AIPL1: variants seen among roughly 807,000 people sequenced by gnomAD.
AIPL1 encodes the protein aryl-hydrocarbon-interacting protein-like 1.
A neutral mutation model predicts 32.9 loss-of-function variants in AIPL1; 23 were observed. That is an observed-to-expected ratio of 0.70 (90% CI 0.50 to 0.99). The LOEUF (loss-of-function observed/expected upper bound fraction) is 0.99. Among genes scored for constraint, AIPL1 ranks in the 50% least tolerant of loss-of-function variants. The pLI, the probability that AIPL1 is intolerant of heterozygous loss-of-function variation, is 0.00. For missense variants in AIPL1, 485 were observed against 506.0 expected, an observed-to-expected ratio of 0.96 and a Z score of 0.40; for synonymous variants, 210 against 209.4, an observed-to-expected ratio of 1.00 and a Z score of -0.02.
At chr17:6,426,310 AT>A in intron 5 of AIPL1, 1 of 1,365,394 alleles carries the variant, frequency 7.3e-7, no homozygotes, top group Non-Finnish European at 9.5e-7. Context: ...ACATCATAAT[AT>A]TTTTCCCTAT....
chr17:6,433,099 A>G (rs1912770617), intron 2 of AIPL1, among the ~76,000 whole-genome samples: 1 of 152,162 alleles, frequency 6.6e-6, no homozygotes, highest in Non-Finnish European at 1.5e-5. Flanking sequence ...TGACTTTTGT[A>G]TATGTTTGAA....
chr17:6,431,353 G>T (rs1021622898), intron 2 of AIPL1, among the ~76,000 whole-genome samples: 1 of 151,828 alleles, frequency 6.6e-6, no homozygotes, highest in South Asian at 2.1e-4. Context: ...CTACTCAGGA[G>T]GCTGAAGCAG....
At position 6,425,046 on chromosome 17, in the gene AIPL1, G is replaced by A. The variant is rs1389918360; in HGVS notation, c.*414C>T. 4 of 161,724 alleles carry A rather than the reference G, an allele frequency of 2.5e-5. No homozygotes were observed. The highest frequency in any genetic ancestry group is 6.0e-5 in the Admixed American group (1 of 16,750). The allele number at this position is 161,724 out of a possible 1,614,324, so 10.0% of individuals were successfully genotyped here. A position where few individuals can be genotyped will look rare whatever the true frequency, so the allele number is the denominator to read the frequency against. ...CCTGCGTAAAGTTACAAAAATCACC[G>A]AGATGACCCCCAAATGTAACTATCC... is the stretch of plus-strand genomic sequence containing the variant. On this transcript the variant is annotated 3_prime_UTR_variant, in exon 6 of 6. Transcript: ENST00000381129.
rs1369186764 is a variant in AIPL1 at position 6,425,663 on chromosome 17, C to T, written c.952G>A (p.Glu318Lys). Residue 318 changes from glutamate to lysine, a missense_variant, in exon 6 of 6, where the codon GAG (glutamate) becomes AAG (lysine). Coordinates refer to ENST00000381129, the MANE Select transcript of AIPL1 (RefSeq NM_014336.5). ...LENRMAEKQE[E>K]ERLRCRNMLS... is the part of the protein sequence containing the mutation. ...ATGTTCCGGCAGCGCAGCCGCTCCT[C>T]CTCCTGCTTCTCCGCCATGCGGTTC... 1 of 1,610,928 alleles carries T rather than the reference C, an allele frequency of 6.2e-7. No homozygotes were observed. Among genetic ancestry groups the T allele is most frequent in the Non-Finnish European group, 8.5e-7 (1 of 1,179,978 alleles).
At chr17:6,428,021 T>C (rs1394435139) in intron 3 of AIPL1, among the ~76,000 whole-genome samples, 1 of 152,208 alleles carries the variant, frequency 6.6e-6, no homozygotes. Flanking sequence ...GGTTTTACCA[T>C]GTTGGCCAGG....
At chr17:6,427,134 C>T (rs1273077297) in intron 3 of AIPL1, 77 bp from the exon 4 acceptor site, 3 of 1,517,654 alleles carry the variant, frequency 2.0e-6, no homozygotes, top group East Asian at 4.5e-5. Flanking sequence ...AAAACAGGAC[C>T]CTGTGGCACA....
chr17:6,434,427 C>T lies in AIPL1; in HGVS notation c.97-329G>A, dbSNP rs183388882. ...AGGTTGGAGTGCAGTGGTATGATCT[C>T]GGCTCACTGCAACCTCCACCTCCTG... On this transcript the variant is annotated intron_variant, in intron 1 of 5. Transcript: ENST00000381129. Among the ~76,000 whole-genome samples, 672 of 141,692 alleles carry T rather than the reference C, an allele frequency of 4.7e-3. 4 individuals are homozygous for T. The highest frequency in any genetic ancestry group is 7.4e-3 in the Admixed American group (98 of 13,226). The allele number at this position is 141,692 out of a possible 152,430, so 93.0% of individuals were successfully genotyped here.
At chr17:6,425,864 C>T in intron 5 of AIPL1, 34 bp from the exon 6 acceptor site, 2 of 1,594,920 alleles carry the variant, frequency 1.3e-6, no homozygotes, top group Non-Finnish European at 1.7e-6. Context: ...GCTACAGCTC[C>T]CTTCCCAGCC....
intron 1 of AIPL1, 47 bp downstream of exon 1, chr17:6,434,962 A>T: frequency 6.2e-7 from 1 of 1,613,436 alleles, no homozygotes; most frequent in Non-Finnish European, 8.5e-7. Flanking sequence ...TGGAATGTTG[A>T]AAGCTGCTGT....
Position 6,427,026 on chromosome 17 carries a change from G to C in AIPL1, c.497C>G (p.Thr166Ser), listed in dbSNP as rs1204566206. The change falls in exon 4 of 6, where the codon ACC becomes AGC. Residue 166 changes from threonine (T) to serine (S), a missense_variant. Coordinates refer to ENST00000381129, the MANE Select transcript of AIPL1 (RefSeq NM_014336.5). ...VDAPSDYQRE[T>S]WNLSNHEKMK... ...CTTCTCATGATTGCTCAGGTTCCAG[G>C]TCTCCCTCTGGTAATCACTCGGGGC... The C allele has an allele frequency of 1.2e-6, 2 of 1,614,136 alleles. No individual in the cohort carries two copies. The highest frequency in any genetic ancestry group is 1.7e-6 in the Non-Finnish European group (2 of 1,180,030).
chr17:6,429,596 G>C (rs1297838084), intron 2 of AIPL1, among the ~76,000 whole-genome samples: 1 of 152,194 alleles, frequency 6.6e-6, no homozygotes, highest in African/African-American at 2.4e-5. Context: ...ATGGCTCCCA[G>C]CAAGCTGAGC....
intron 3 of AIPL1, 76 bp downstream of exon 3, chr17:6,428,242 G>C: frequency 1.3e-6 from 2 of 1,527,640 alleles, no homozygotes; most frequent in Admixed American, 3.4e-5. Context: ...GGCCAGTGGG[G>C]TGGGGGTGCC....
At chr17:6,426,543 A>G (rs1263986635) in intron 5 of AIPL1, 72 bp downstream of exon 5, 1 of 1,566,452 alleles carries the variant, frequency 6.4e-7, no homozygotes, top group Non-Finnish European at 8.6e-7. Flanking sequence ...AAGTCCAGGA[A>G]GGCTATGGCA....
At chr17:6,427,175 G>C in intron 3 of AIPL1, 118 bp from the exon 4 acceptor site, 1 of 1,139,092 alleles carries the variant, frequency 8.8e-7, no homozygotes, top group Non-Finnish European at 1.3e-6. Flanking sequence ...CTGGTCAAGT[G>C]CATACAGACA....
rs376242937 is a variant in AIPL1, at chr17:6,435,043, G to A, written c.62C>T (p.Thr21Met). The A allele has an allele frequency of 2.5e-5, 41 of 1,614,072 alleles. No homozygotes were observed. Among genetic ancestry groups the A allele is most frequent in the East Asian group, 2.2e-4 (10 of 44,880 alleles). ...GVKKTILHGG[T>M]GELPNFITGS... ...GGTGATGAAGTTTGGGAGCTCGCCC[G>A]TGCCCCCGTGCAGAATGGTTTTCTT... Residue 21 changes from threonine to methionine, a missense_variant, in exon 1 of 6, where the codon ACG (threonine) becomes ATG (methionine). By Grantham distance (81) the Thr-to-Met change is moderately conservative. Transcript: ENST00000381129.
chr17:6,434,937 G>A, intron 1 of AIPL1, 72 bp downstream of exon 1: 1 of 1,609,122 alleles, frequency 6.2e-7, no homozygotes, highest in Non-Finnish European at 8.5e-7. Flanking sequence ...TGTTTACAGT[G>A]CCTTGGGGCA....
At position 6,425,912 on chromosome 17, in the gene AIPL1, T is replaced by C. The variant is rs544970367; in HGVS notation, c.785-82A>G. On this transcript the variant is annotated intron_variant, in intron 5 of 5. Coordinates refer to ENST00000381129, the MANE Select transcript of AIPL1 (RefSeq NM_014336.5). ...CCAGCCCAGCTGGGACTCACCAGCC[T>C]CCAAGACCCTCAGCCCCGCCATGAT... The C allele has an allele frequency of 5.8e-4, 882 of 1,518,120 alleles. 5 individuals carry two copies. The East Asian group carries it at 0.011, about 19-fold the overall frequency. The allele number at this position is 1,518,120 out of a possible 1,614,324, so 94.0% of individuals were successfully genotyped here. A position where few individuals can be genotyped will look rare whatever the true frequency, so the allele number is the denominator to read the frequency against.
chr17:6,424,726 C>T lies in AIPL1; in HGVS notation c.*734G>A, dbSNP rs750713277. The T allele has an allele frequency of 2.0e-5, 3 of 152,152 alleles. No individual in the cohort carries two copies. The highest frequency in any genetic ancestry group is 4.4e-5 in the Non-Finnish European group (3 of 68,036). The allele number at this position is 152,152 out of a possible 1,614,324, so 9.4% of individuals were successfully genotyped here. A position where few individuals can be genotyped will look rare whatever the true frequency, so the allele number is the denominator to read the frequency against. On this transcript the variant is annotated 3_prime_UTR_variant, in exon 6 of 6. Coordinates refer to ENST00000381129, the MANE Select transcript of AIPL1 (RefSeq NM_014336.5). ...TATAGGCGCCCGCCACCACGCCCAG[C>T]TAGTTTTTTTGTATTTTTAGTAGAG...
At chr17:6,426,477 CG>C (rs1420008602) in intron 5 of AIPL1, 137 bp downstream of exon 5, 21 of 1,508,632 alleles carry the variant, frequency 1.4e-5, no homozygotes, top group Non-Finnish European at 1.8e-5. Flanking sequence ...GTTACACACT[CG>C]GGGAAACCCG....
Sources: allele counts gnomAD v4.1 joint callset (sites outside exome capture counted in the v4.1 genomes callset), GRCh38; gene constraint gnomAD v4.1.1; transcripts MANE v1.5; gene names NCBI Gene and HGNC (gene_info 2026-07-23, HGNC 2026-07-21).